Variants in SLF2 observed in about 807,000 individuals in gnomAD.
SLF2 encodes the protein SMC5-SMC6 complex localization factor protein 2.
SLF2 carries 68 observed loss-of-function variants against 124.3 expected under a neutral mutation model. That is an observed-to-expected ratio of 0.55 (90% CI 0.45 to 0.67). The LOEUF is 0.67. Among genes scored for constraint, SLF2 ranks in the 30% least tolerant of loss-of-function variants. The pLI, the probability that SLF2 is intolerant of heterozygous loss-of-function variation, is 0.00. For synonymous variants in SLF2, 480 were observed against 478.8 expected (o/e 1.00, Z -0.03); for missense variants, 1,246 against 1,373.7 (o/e 0.91, Z 1.47).
intron 11 of SLF2, 131 bp downstream of exon 11, chr10:100,938,867 G>A: frequency 1.2e-6 from 1 of 811,184 alleles, no homozygotes; most frequent in Non-Finnish European, 1.8e-6. Flanking sequence ...TCTTGAATTA[G>A]ATACATTTTT....
chr10:100,917,919 C>CAAATAAAT (rs76103040), intron 3 of SLF2, among the ~76,000 whole-genome samples: 3 of 151,586 alleles, frequency 2.0e-5, no homozygotes, highest in Non-Finnish European at 2.9e-5. Context: ...GGCTCTACTA[C>CAAATAAAT]AAATAAATAA....
chr10:100,951,918 T>C (rs1380872036), intron 17 of SLF2, among the ~76,000 whole-genome samples: 2 of 152,222 alleles, frequency 1.3e-5, no homozygotes, highest in Non-Finnish European at 2.9e-5. Flanking sequence ...TTTTATTTCA[T>C]ATCTTAACTA....
At chr10:100,960,438 T>C (rs1850406342) in intron 19 of SLF2, among the ~76,000 whole-genome samples, 1 of 152,262 alleles carries the variant, frequency 6.6e-6, no homozygotes, top group Non-Finnish European at 1.5e-5. Context: ...CACTTGTTTT[T>C]ACTAAAGCCA....
chr10:100,926,418 A>G, intron 6 of SLF2: 1 of 722,814 alleles, frequency 1.4e-6, no homozygotes, highest in Non-Finnish European at 2.1e-6. Flanking sequence ...AGCCTGGGCA[A>G]CATGGTGAAA....
chr10:100,931,025 T>A lies in SLF2; in HGVS notation c.2383T>A (p.Ser795Thr), dbSNP rs770213080. The change falls in exon 9 of 20, where the codon TCT becomes ACT. Residue 795 changes from serine to threonine, a missense_variant. Physicochemically the swap from Ser to Thr is moderately conservative, Grantham distance 58 (BLOSUM62 1). Transcript: ENST00000238961. ...IFLTTQGFLT[S>T]AYHYVQCPVP... ...TTTGACAACACAAGGTTTCCTTACG[T>A]CTGCTTATCACTATGTCCAGTGTCC... 6.2e-7 allele frequency: 1 copy of A among 1,614,140 alleles called. No individual in the cohort carries two copies. Among genetic ancestry groups the A allele is most frequent in the Admixed American group, 1.7e-5 (1 of 59,998 alleles).
chr10:100,960,810 TAA>T (rs571339262), intron 19 of SLF2, among the ~76,000 whole-genome samples: 223 of 151,982 alleles, frequency 1.5e-3, no homozygotes, highest in Middle Eastern at 3.4e-3. Flanking sequence ...AGTCTTTGCC[TAA>T]GAGGGACATT....
At chr10:100,914,635 G>A (rs1323448275) in intron 1 of SLF2, among the ~76,000 whole-genome samples, 1 of 152,100 alleles carries the variant, frequency 6.6e-6, no homozygotes. Context: ...TCTTCCCTTT[G>A]CAGAACCTCC....
chr10:100,945,070 T>G (rs1336677225), intron 12 of SLF2, among the ~76,000 whole-genome samples: 1 of 151,478 alleles, frequency 6.6e-6, no homozygotes, highest in African/African-American at 2.4e-5. Context: ...AATGACAGTG[T>G]GAAACATTTT....
intron 13 of SLF2, among the ~76,000 whole-genome samples, chr10:100,946,090 T>G (rs1850098809): frequency 6.6e-6 from 1 of 152,208 alleles, no homozygotes; most frequent in Non-Finnish European, 1.5e-5. Flanking sequence ...TAGGCCTTTT[T>G]AAAAATTATA....
At chr10:100,940,856 G>T (rs1330057151) in intron 11 of SLF2, among the ~76,000 whole-genome samples, 1 of 99,638 alleles carries the variant, frequency 1.0e-5, no homozygotes, top group South Asian at 3.5e-4. Context: ...CCTTCCATGA[G>T]ATGAGGTCTT....
intron 18 of SLF2, among the ~76,000 whole-genome samples, chr10:100,958,950 CAG>C (rs1352065142): frequency 6.6e-6 from 1 of 152,070 alleles, no homozygotes; most frequent in Admixed American, 6.6e-5. Flanking sequence ...AGAGGAGTAA[CAG>C]TGAATTTTGG....
At position 100,959,511 on chromosome 10, in the gene SLF2, T is replaced by C. The variant is rs774172468; in HGVS notation, c.3486+15T>C. 3 of 1,612,962 alleles carry C rather than the reference T, an allele frequency of 1.9e-6. No homozygotes were observed. Among genetic ancestry groups the C allele is most frequent in the African/African-American group, 1.3e-5 (1 of 74,920 alleles). On this transcript the variant is annotated intron_variant, in intron 19 of 19. Transcript: ENST00000238961. ...GGCCTACTCAGGTGTCATTTTGTTA[T>C]ACAATTTCATGTATTCTTAATAGTT... is the stretch of plus-strand genomic sequence containing the variant.
Position 100,924,695 on chromosome 10 carries a change from G to A in SLF2, c.1694G>A (p.Cys565Tyr). Residue 565 changes from cysteine (C) to tyrosine (Y), a missense_variant, in exon 5 of 20, where the codon TGT becomes TAT. Physicochemically the swap from Cys to Tyr is radical, Grantham distance 194. Transcript: ENST00000238961. ...SPPAALEVVPCIPSPAAPSDK... is the reference protein window; with the variant it reads ...SPPAALEVVPYIPSPAAPSDK... ...CCTGCTGCTTTGGAAGTTGTGCCAT[G>A]TATCCCAAGCCCTGCAGCACCTTCA... 6.2e-7 allele frequency: 1 copy of A among 1,614,144 alleles called. No homozygotes were observed. The highest frequency in any genetic ancestry group is 2.2e-5 in the East Asian group (1 of 44,892).
chr10:100,959,645 G>A (rs1850393416), intron 19 of SLF2, 149 bp downstream of exon 19: 1 of 1,297,866 alleles, frequency 7.7e-7, no homozygotes, highest in East Asian at 2.9e-5. Context: ...TACATGGTTT[G>A]TAATTTTTTT....
At chr10:100,927,231 C>A (rs1849632089) in intron 6 of SLF2, among the ~76,000 whole-genome samples, 1 of 152,140 alleles carries the variant, frequency 6.6e-6, no homozygotes, top group Admixed American at 6.5e-5. Flanking sequence ...AAACTCCATA[C>A]CCTTTAAACA....
rs377011761 is a variant in SLF2, at chr10:100,916,013, T to C, written c.155T>C (p.Ile52Thr). 2.5e-6 allele frequency: 4 copies of C among 1,611,572 alleles called. No individual in the cohort carries two copies. The highest frequency in any genetic ancestry group is 1.3e-5 in the African/African-American group (1 of 74,882). ...ESPGDRKQSI[I>T]DFFKPASKQD... is the part of the protein sequence containing the mutation. Reference sequence around the variant, plus strand: ...TTTATTTTCAGGAAGCAGTCAATTATAGATTTCTTCAAACCAGCTTCAAAA... The same window carrying C: ...TTTATTTTCAGGAAGCAGTCAATTACAGATTTCTTCAAACCAGCTTCAAAA... Residue 52 changes from isoleucine (I) to threonine (T), a missense_variant, in exon 2 of 20, where the codon ATA becomes ACA. Physicochemically the swap from Ile to Thr is moderately conservative, Grantham distance 89 (BLOSUM62 -1). Around this residue, in one of 3 missense-constraint regions of SLF2, gnomAD observed 698 missense variants for 708.9 expected, o/e 0.98. Coordinates refer to ENST00000238961, the MANE Select transcript of SLF2 (RefSeq NM_018121.4).
At chr10:100,932,161 C>T (rs770170594) in intron 9 of SLF2, among the ~76,000 whole-genome samples, 3 of 152,044 alleles carry the variant, frequency 2.0e-5, no homozygotes, top group Non-Finnish European at 4.4e-5. Context: ...TGGCTCATGC[C>T]TGTAATTCTA....
At chr10:100,948,457 C>G (rs1392534531) in intron 15 of SLF2, among the ~76,000 whole-genome samples, 1 of 151,900 alleles carries the variant, frequency 6.6e-6, no homozygotes, top group Non-Finnish European at 1.5e-5. Context: ...ATAGGGAGAC[C>G]TTGTCTTTAA....
At chr10:100,913,876 T>G in intron 1 of SLF2, 1 of 985,242 alleles carries the variant, frequency 1.0e-6, no homozygotes, top group Non-Finnish European at 1.2e-6. Context: ...AAAACATGTT[T>G]AAATTCCCTA....
Sources: allele counts gnomAD v4.1 joint callset (sites outside exome capture counted in the v4.1 genomes callset), GRCh38; gene constraint gnomAD v4.1.1; regional missense constraint gnomAD v4.1.1; transcripts MANE v1.5; gene names NCBI Gene and HGNC (gene_info 2026-07-23, HGNC 2026-07-21).